Variants in SZT2 observed in about 807,000 individuals in gnomAD.
SZT2 encodes KICSTOR complex protein SZT2.
A neutral mutation model predicts 404.2 loss-of-function variants in SZT2; 216 were observed. The ratio of observed to expected loss-of-function variants is 0.53; its 90% confidence interval spans 0.48 to 0.60. The LOEUF is 0.60. Among genes scored for constraint, SZT2 ranks in the 20% least tolerant of loss-of-function variants. The pLI is 0.00. For missense variants in SZT2, 3,857 were observed against 4,459.2 expected (o/e 0.86, Z 3.85); for synonymous variants, 1,693 against 1,749.9 (o/e 0.97, Z 0.81).
At chr1:43,443,819 TTC>T (rs1366051128) in intron 62 of SZT2, 23 bp downstream of exon 62, 1 of 1,612,334 alleles carries the variant, frequency 6.2e-7, no homozygotes, top group Non-Finnish European at 8.5e-7. Flanking sequence ...CTGTTTTCCC[TTC>T]TGTCTTCTCC....
rs1281142385 is a variant in SZT2 at position 43,423,183 on chromosome 1, C to T, written c.2122C>T (p.Arg708Ter). 3.8e-6 allele frequency: 6 copies of T among 1,597,530 alleles called. No homozygotes were observed. Among genetic ancestry groups the T allele is most frequent in the Non-Finnish European group, 4.2e-6 (5 of 1,179,458 alleles). ...QSKEPTPKVKRKGLGGAGGGS... is the reference protein window; with the variant it reads ...QSKEPTPKVK Reference sequence around the variant, plus strand: ...CAAGGAGCCAACGCCCAAGGTGAAACGAAAAGGGCTAGGGGGTGCTGGTGG... The same window carrying T: ...CAAGGAGCCAACGCCCAAGGTGAAATGAAAAGGGCTAGGGGGTGCTGGTGG... The change falls in exon 15 of 72, where the codon CGA becomes TGA. Residue 708 changes from arginine (R) to a stop codon, truncating the protein, a stop_gained. Transcript: ENST00000634258. LOFTEE classifies it high-confidence loss of function.
chr1:43,393,071 T>G (rs1648597754), intron 1 of SZT2, among the ~76,000 whole-genome samples: 1 of 152,204 alleles, frequency 6.6e-6, no homozygotes, highest in Admixed American at 6.5e-5. Context: ...CAACCTACCT[T>G]GTTAAGAAAT....
rs1230505712 is a variant in SZT2, at chr1:43,415,153, C to A, written c.570C>A (p.Leu190=). Residue 190 remains leucine, a synonymous_variant, in exon 5 of 72, where the codon CTC becomes CTA. Coordinates refer to ENST00000634258, the MANE Select transcript of SZT2 (RefSeq NM_001365999.1). ...TCCTGCAGCAGATATATGAGCAGCT[C>A]TGCCTCTTTGAGGATAAGGTGGCCA... ...EVFLQQIYEQ[L]CLFEDKVATM... 5 of 1,598,006 alleles carry A rather than the reference C, an allele frequency of 3.1e-6. No homozygotes were observed. Among genetic ancestry groups the A allele is most frequent in the Admixed American group, 1.7e-5 (1 of 59,978 alleles).
chr1:43,434,825 G>A (rs1654294039), intron 41 of SZT2, among the ~76,000 whole-genome samples: 1 of 152,122 alleles, frequency 6.6e-6, no homozygotes, highest in South Asian at 2.1e-4. Flanking sequence ...GGGGACAGTT[G>A]AACAACTGAA....
chr1:43,394,231 T>C (rs1411459525), intron 1 of SZT2: 1 of 279,550 alleles, frequency 3.6e-6, no homozygotes, highest in Non-Finnish European at 5.2e-6. Flanking sequence ...TTTTTTGAGA[T>C]GGAGTCTTGC....
chr1:43,404,354 C>T (rs1161513047), intron 3 of SZT2, 26 bp from the exon 4 acceptor site: 4 of 1,600,160 alleles, frequency 2.5e-6, no homozygotes, highest in African/African-American at 2.7e-5. Flanking sequence ...TTTGGACCCC[C>T]TTGAGTGCTC....
At chr1:43,438,281 A>C (rs1654678981) in intron 46 of SZT2, 1 of 344,588 alleles carries the variant, frequency 2.9e-6, no homozygotes, top group Non-Finnish European at 5.5e-6. Context: ...CTGATACCAG[A>C]CTGGGTTCGG....
chr1:43,404,316 A>G (rs1650036472), intron 3 of SZT2, 64 bp from the exon 4 acceptor site: 2 of 1,436,550 alleles, frequency 1.4e-6, no homozygotes, highest in East Asian at 4.6e-5. Flanking sequence ...TGGAAGCTGC[A>G]TGTTTCTGCC....
intron 40 of SZT2, 85 bp downstream of exon 40, chr1:43,433,275 G>T (rs1019625026): frequency 1.4e-6 from 2 of 1,459,490 alleles, no homozygotes; most frequent in African/African-American, 2.8e-5. Flanking sequence ...AGTGTTGTTA[G>T]AAGTAAGACT....
rs142109071 is a variant in SZT2, at chr1:43,451,264, G to A, written c.*784G>A. ...CACTGGCCAGCCTCTGGGTGGCCCC[G>A]CCTATCCCAGTATGAACGTAGCCAA... On this transcript the variant is annotated 3_prime_UTR_variant, in exon 72 of 72. Transcript: ENST00000634258. The A allele has an allele frequency of 2.4e-4, 393 of 1,614,038 alleles. No individual in the cohort carries two copies. The highest frequency in any genetic ancestry group is 4.8e-4 in the African/African-American group (36 of 75,034).
Position 43,427,269 on chromosome 1 carries a change from G to A in SZT2, c.3434-12G>A. The A allele has an allele frequency of 6.2e-7, 1 of 1,607,318 alleles. No homozygotes were observed. Among genetic ancestry groups the A allele is most frequent in the Non-Finnish European group, 8.5e-7 (1 of 1,176,280 alleles). On this transcript the variant is annotated splice_polypyrimidine_tract_variant and intron_variant, in intron 24 of 71. Transcript: ENST00000634258. ...CACCAGGCAGCTCTGATTTATGTCT[G>A]ATCCTCTTCAGATGTCCAGCGTCTG...
chr1:43,415,910 G>T, intron 5 of SZT2, 50 bp from the exon 6 acceptor site: 1 of 1,559,052 alleles, frequency 6.4e-7, no homozygotes, highest in South Asian at 1.2e-5. Context: ...GCTATGGATG[G>T]GGCAGCAATG....
intron 4 of SZT2, chr1:43,410,697 A>G (rs1455685289): frequency 3.9e-5 from 6 of 152,278 alleles, no homozygotes; most frequent in African/African-American, 1.2e-4. Context: ...GATTAACTCA[A>G]TATCCTGCTC....
At chr1:43,394,248 G>A (rs573583629) in intron 1 of SZT2, 50 of 239,260 alleles carry the variant, frequency 2.1e-4, no homozygotes, top group Middle Eastern at 4.4e-3. Flanking sequence ...TTGCTCTGTC[G>A]CCCAGGCTGG....
At chr1:43,404,747 T>C (rs914552611) in intron 4 of SZT2, 197 bp downstream of exon 4, 1 of 524,558 alleles carries the variant, frequency 1.9e-6, no homozygotes, top group African/African-American at 1.9e-5. Context: ...AGGGCTTTCC[T>C]ATAGACTTCG....
In SZT2 at chr1:43,450,697, G is replaced by C; in HGVS notation, c.*217G>C. 1 of 742,774 alleles carries C rather than the reference G, an allele frequency of 1.3e-6. No homozygotes were observed. Among genetic ancestry groups the C allele is most frequent in the Non-Finnish European group, 2.3e-6 (1 of 441,546 alleles). 46.0% of individuals were successfully genotyped at this position (742,774 alleles called of 1,614,324 possible). A position where few individuals can be genotyped will look rare whatever the true frequency, so the allele number is the denominator to read the frequency against. Reference sequence around the variant, plus strand: ...CACCCACAGCCACTGACCCATCCAGGACTCCAGAGAGTCAGGTCAACCCCG... The same window carrying C: ...CACCCACAGCCACTGACCCATCCAGCACTCCAGAGAGTCAGGTCAACCCCG... On this transcript the variant is annotated 3_prime_UTR_variant, in exon 72 of 72. Coordinates refer to ENST00000634258, the MANE Select transcript of SZT2 (RefSeq NM_001365999.1). This position sits in a 1 kb window ranked among gnomAD's most constrained non-coding sequence, Gnocchi z 4.3.
At chr1:43,428,796 G>A in intron 28 of SZT2, 1 of 316,500 alleles carries the variant, frequency 3.2e-6, no homozygotes, top group Non-Finnish European at 6.0e-6. Flanking sequence ...CCACACAATA[G>A]TAGGAATCTC....
intron 36 of SZT2, 34 bp downstream of exon 36, chr1:43,431,935 T>TG (rs1199499625): frequency 2.5e-6 from 4 of 1,611,152 alleles, no homozygotes; most frequent in Non-Finnish European, 3.4e-6. Context: ...AGGGTCACCT[T>TG]GGGGCCCGTC....
rs900376082 is a variant in SZT2, at chr1:43,452,773, C to T, written c.*2293C>T. On this transcript the variant is annotated 3_prime_UTR_variant, in exon 72 of 72. Coordinates refer to ENST00000634258, the MANE Select transcript of SZT2 (RefSeq NM_001365999.1). ...GCCAGTTCCTTCTGAGCCTGTTTGG[C>T]CTCTGCAGGATTTGACATTTGAATC... is the stretch of plus-strand genomic sequence containing the variant. 42 of 921,014 alleles carry T rather than the reference C, an allele frequency of 4.6e-5. No homozygotes were observed. In the Admixed American group the frequency reaches 8.8e-4, roughly 19 times the overall value. The allele number at this position is 921,014 out of a possible 1,614,324, so 57.1% of individuals were successfully genotyped here. A position where few individuals can be genotyped will look rare whatever the true frequency, so the allele number is the denominator to read the frequency against.
Sources: gnomAD v4.1 joint callset for allele counts (sites outside exome capture counted in the v4.1 genomes callset) on GRCh38, gnomAD v4.1.1 for gene constraint, Gnocchi (gnomAD v3.1) non-coding constraint, MANE v1.5 for transcripts, NCBI Gene and HGNC (gene_info 2026-07-23, HGNC 2026-07-21) for gene names.